DMXL1: variants seen among roughly 807,000 people sequenced by gnomAD.
The protein encoded by DMXL1 is Dmx like 1.
In DMXL1, 99 loss-of-function variants were observed where a neutral mutation model predicts 319.2. That is an observed-to-expected ratio of 0.31 (90% CI 0.26 to 0.37). The LOEUF (loss-of-function observed/expected upper bound fraction) is 0.37. Among genes scored for constraint, DMXL1 ranks in the 10% least tolerant of loss-of-function variants. The pLI is 1.00. For synonymous variants in DMXL1, 1,385 were observed against 1,235.2 expected, an observed-to-expected ratio of 1.12 and a Z score of -2.54; for missense variants, 3,745 against 3,595.6, an observed-to-expected ratio of 1.04 and a Z score of -1.06.
chr5:119,220,382 G>A (rs1219682434), intron 35 of DMXL1, 90 bp from the exon 36 acceptor site: 2 of 1,196,332 alleles, frequency 1.7e-6, no homozygotes, highest in East Asian at 2.4e-5. Flanking sequence ...ACTGCTAGAG[G>A]TTATTTCAAA....
At chr5:119,110,318 C>A in intron 5 of DMXL1, 35 bp downstream of exon 5, 1 of 1,491,922 alleles carries the variant, frequency 6.7e-7, no homozygotes, top group Non-Finnish European at 8.9e-7. Flanking sequence ...ACTGATAAAC[C>A]TGTTGTTCTA....
intron 25 of DMXL1, among the ~76,000 whole-genome samples, chr5:119,173,799 A>ATATATATATATATATATATATAT: frequency 2.3e-5 from 1 of 44,276 alleles, no homozygotes; most frequent in Non-Finnish European, 4.6e-5. Context: ...TATATATATA[A>ATATATATATATATATATATATAT]TGAGAGAGAG....
chr5:119,114,572 T>C, intron 6 of DMXL1, 31 bp downstream of exon 6: 1 of 1,484,426 alleles, frequency 6.7e-7, no homozygotes, highest in Non-Finnish European at 9.3e-7. Context: ...TGCCAAATTA[T>C]GTGTTTATAG....
intron 1 of DMXL1, among the ~76,000 whole-genome samples, chr5:119,081,305 A>G (rs535846086): frequency 5.3e-5 from 8 of 152,332 alleles, no homozygotes; most frequent in Middle Eastern, 3.4e-3. Flanking sequence ...GCCTTAGGGT[A>G]AGAAAGTGTC....
chr5:119,153,161 G>A (rs1160963762), intron 19 of DMXL1, among the ~76,000 whole-genome samples: 1 of 152,076 alleles, frequency 6.6e-6, no homozygotes, highest in Non-Finnish European at 1.5e-5. Flanking sequence ...ATTTTTAATA[G>A]AGATGGGGTT....
chr5:119,091,916 T>G (rs183257860), intron 1 of DMXL1, among the ~76,000 whole-genome samples: 1 of 152,220 alleles, frequency 6.6e-6, no homozygotes, highest in Admixed American at 6.5e-5. Context: ...CCTCTTTGTT[T>G]CTCCCTGTCC....
rs4493704 is a variant in DMXL1 at position 119,074,239 on chromosome 5, T to G, written c.87+2583T>G. The stretch of plus-strand genomic sequence containing the variant: ...CAGCCTTGAGTGTTGTTTTTAACCT[T>G]TTTTGATTTTGACTTTTCTTTGATA... On this transcript the variant is annotated intron_variant, in intron 1 of 43. Transcript: ENST00000539542. Among the ~76,000 whole-genome samples the G allele has an allele frequency of 2.6e-5, 4 of 152,364 alleles. No homozygotes were observed. The East Asian group carries it at 7.7e-4, about 29-fold the overall frequency.
At chr5:119,180,280 G>C (rs1776556486) in intron 28 of DMXL1, among the ~76,000 whole-genome samples, 1 of 152,172 alleles carries the variant, frequency 6.6e-6, no homozygotes, top group Non-Finnish European at 1.5e-5. Flanking sequence ...AGTGGCATCA[G>C]AGGGATAATT....
Position 119,129,516 on chromosome 5 carries a change from T to C in DMXL1, c.1315+93T>C, listed in dbSNP as rs76042940. The C allele has an allele frequency of 7.4e-3, 6,375 of 859,896 alleles. 275 individuals are homozygous for C. The African/African-American group carries it at 0.095, about 13-fold the overall frequency. The allele number at this position is 859,896 out of a possible 1,614,324, so 53.3% of individuals were successfully genotyped here. On this transcript the variant is annotated intron_variant, in intron 10 of 43. Coordinates refer to ENST00000539542, the MANE Select transcript of DMXL1 (RefSeq NM_001290321.3). ...AAAACTAGCTACTTGTAATAAACTT[T>C]AAAGTTGCAATGACATGATCCAAAC...
chr5:119,132,711 G>C (rs1383963233), intron 10 of DMXL1: 2 of 486,694 alleles, frequency 4.1e-6, no homozygotes, highest in Admixed American at 5.0e-5. Flanking sequence ...CCCTTTTCTG[G>C]GTTGACAATT....
At chr5:119,090,501 A>G (rs1754516395) in intron 1 of DMXL1, among the ~76,000 whole-genome samples, 1 of 147,582 alleles carries the variant, frequency 6.8e-6, no homozygotes, top group African/African-American at 2.5e-5. Context: ...TTTTTGAGGT[A>G]ATTTTTTGTA....
chr5:119,189,230 A>G (rs1410074577), intron 28 of DMXL1, among the ~76,000 whole-genome samples: 1 of 152,210 alleles, frequency 6.6e-6, no homozygotes, highest in Non-Finnish European at 1.5e-5. Context: ...CAGTTTAAGT[A>G]GTTATGGTGC....
chr5:119,241,779 C>T (rs956657465), intron 42 of DMXL1, among the ~76,000 whole-genome samples: 85 of 152,174 alleles, frequency 5.6e-4, no homozygotes, highest in African/African-American at 2.0e-3. Flanking sequence ...CACAGGAGAT[C>T]ACTTTTCACT....
chr5:119,204,412 T>A (rs1264527575), intron 33 of DMXL1, among the ~76,000 whole-genome samples: 1 of 152,236 alleles, frequency 6.6e-6, no homozygotes, highest in African/African-American at 2.4e-5. Context: ...GTGCTGAGAT[T>A]ACAGGCTTGA....
At chr5:119,082,300 G>A (rs1278343754) in intron 1 of DMXL1, among the ~76,000 whole-genome samples, 2 of 151,060 alleles carry the variant, frequency 1.3e-5, no homozygotes, top group Non-Finnish European at 3.0e-5. Flanking sequence ...TAGAGACAGG[G>A]TCTCACTCTG....
At position 119,178,170 on chromosome 5, in the gene DMXL1, A is replaced by C. The variant is rs1776162189; in HGVS notation, c.7061A>C (p.Lys2354Thr). The C allele has an allele frequency of 6.2e-7, 1 of 1,613,896 alleles. No homozygotes were observed. Among genetic ancestry groups the C allele is most frequent in the South Asian group, 1.1e-5 (1 of 91,090 alleles). ...FRIVAHPLNEKMWSAVFGGGA... is the reference protein window; with the variant it reads ...FRIVAHPLNETMWSAVFGGGA... ...ATTGTGGCCCATCCTCTAAATGAGA[A>C]AATGTGGTCTGCTGTGTTTGGTGGA... Residue 2354 changes from lysine to threonine, a missense_variant, in exon 28 of 44, where the codon AAA becomes ACA. Lys to Thr is a moderately conservative substitution (Grantham distance 78). Around this residue, in one of 4 missense-constraint regions of DMXL1, gnomAD observed 1,382 missense variants for 1,269.5 expected, o/e 1.09. Transcript: ENST00000539542.
At chr5:119,104,495 C>G (rs1268669870) in intron 3 of DMXL1, among the ~76,000 whole-genome samples, 3 of 152,092 alleles carry the variant, frequency 2.0e-5, no homozygotes, top group Admixed American at 6.5e-5. Flanking sequence ...TGAGAGCCAC[C>G]ACATTAAGAG....
chr5:119,220,670 G>C, intron 36 of DMXL1, 77 bp downstream of exon 36: 1 of 1,529,204 alleles, frequency 6.5e-7, no homozygotes, highest in Non-Finnish European at 8.9e-7. Context: ...ACTTTCAAAA[G>C]ATTCTTTAAA....
At chr5:119,188,808 A>G (rs1276111600) in intron 28 of DMXL1, among the ~76,000 whole-genome samples, 1 of 152,266 alleles carries the variant, frequency 6.6e-6, no homozygotes, top group Non-Finnish European at 1.5e-5. Context: ...GTTATAATGC[A>G]TGTGCATGAT....
Sources: gnomAD v4.1 joint callset for allele counts (sites outside exome capture counted in the v4.1 genomes callset) on GRCh38, gnomAD v4.1.1 for gene constraint, gnomAD v4.1.1 regional missense constraint, MANE v1.5 for transcripts, NCBI Gene and HGNC (gene_info 2026-07-23, HGNC 2026-07-21) for gene names.